Variants in MYO3B observed in about 807,000 individuals in gnomAD.
The protein encoded by MYO3B is myosin-IIIb.
A neutral mutation model predicts 174.6 loss-of-function variants in MYO3B; 156 were observed. That is an observed-to-expected ratio of 0.89 (90% CI 0.78 to 1.02). The LOEUF (loss-of-function observed/expected upper bound fraction) is 1.02. MYO3B is among the 50% of genes least tolerant of loss of function. The probability of loss-of-function intolerance (pLI) is 0.00; values close to 1 mark genes in which losing one functional copy is unlikely to be tolerated. For synonymous variants in MYO3B, 563 were observed against 569.1 expected (o/e 0.99, Z 0.15); for missense variants, 1,632 against 1,639.4 (o/e 1.00, Z 0.08).
At chr2:170,442,487 A>G (rs917590430) in intron 22 of MYO3B, among the ~76,000 whole-genome samples, 2 of 136,224 alleles carry the variant, frequency 1.5e-5, no homozygotes, top group African/African-American at 2.9e-5. Context: ...GTTATTTAGT[A>G]GGAGGTGTTC....
At chr2:170,261,039 T>C (rs1009091917) in intron 7 of MYO3B, among the ~76,000 whole-genome samples, 8 of 152,226 alleles carry the variant, frequency 5.3e-5, no homozygotes, top group African/African-American at 1.9e-4. Flanking sequence ...TGTTTTTGTT[T>C]TGAGACGGAG....
chr2:170,577,052 G>T (rs1252549402), intron 32 of MYO3B, among the ~76,000 whole-genome samples: 2 of 152,104 alleles, frequency 1.3e-5, no homozygotes, highest in African/African-American at 2.4e-5. Context: ...TGGTTCAGTT[G>T]CATAAGGAAG....
At position 170,369,226 on chromosome 2, in the gene MYO3B, CT is replaced by C. The variant is rs771082016; in HGVS notation, c.822del (p.Ile275LeufsTer77). On this transcript the variant is annotated frameshift_variant, in exon 9 of 35. Coordinates refer to ENST00000408978, the MANE Select transcript of MYO3B (RefSeq NM_138995.5). LOFTEE classifies it high-confidence loss of function. ...TTTGTTGGTTTTTGCAAACAGGTGTCTTATTAAGGATTTTGAAAGGCGACCT... is the reference window on the plus strand; with the variant it reads ...TTTGTTGGTTTTTGCAAACAGGTGTCTATTAAGGATTTTGAAAGGCGACCT... ...EEFNHFISQC[L>X]IKDFERRPSV... 12 of 1,612,404 alleles carry C rather than the reference CT, an allele frequency of 7.4e-6. No homozygotes were observed. The highest frequency in any genetic ancestry group is 7.6e-6 in the Non-Finnish European group (9 of 1,178,896).
chr2:170,409,809 C>T (rs563659716), intron 22 of MYO3B, among the ~76,000 whole-genome samples: 1 of 152,358 alleles, frequency 6.6e-6, no homozygotes, highest in South Asian at 2.1e-4. Flanking sequence ...TAATTTATCT[C>T]CTTATGACAA....
At chr2:170,505,151 G>A (rs1373867493) in intron 28 of MYO3B, among the ~76,000 whole-genome samples, 2 of 152,030 alleles carry the variant, frequency 1.3e-5, no homozygotes, top group African/African-American at 4.8e-5. Flanking sequence ...GTATAACACT[G>A]CACAGTCAAT....
chr2:170,186,940 T>C (rs1157846536), intron 1 of MYO3B, among the ~76,000 whole-genome samples: 2 of 152,078 alleles, frequency 1.3e-5, no homozygotes, highest in Non-Finnish European at 2.9e-5. Context: ...TAATGATCAT[T>C]TGGATTTCTG....
chr2:170,308,356 T>C (rs2093714803), intron 7 of MYO3B, among the ~76,000 whole-genome samples: 3 of 152,230 alleles, frequency 2.0e-5, no homozygotes, highest in Non-Finnish European at 4.4e-5. Flanking sequence ...ATTATTTTTG[T>C]AGCCATGTTG....
In MYO3B at chr2:170,532,332, A is replaced by G. The variant is rs190691823; in HGVS notation, c.3576-10574A>G. ...TAAAAGAACGTTACCTCTGAATGCA[A>G]TAGATGATCTAGGAATTTATTTTGC... On this transcript the variant is annotated intron_variant, in intron 30 of 34. Coordinates refer to ENST00000408978, the MANE Select transcript of MYO3B (RefSeq NM_138995.5). Among the ~76,000 whole-genome samples the G allele has an allele frequency of 3.2e-3, 482 of 152,374 alleles. 6 individuals are homozygous for G. Among genetic ancestry groups the G allele is most frequent in the Admixed American group, 0.029 (449 of 15,312 alleles).
intron 32 of MYO3B, among the ~76,000 whole-genome samples, chr2:170,627,319 A>T (rs1409233818): frequency 1.3e-5 from 2 of 152,066 alleles, no homozygotes; most frequent in African/African-American, 4.8e-5. Context: ...CATCATTGAT[A>T]CCCTTTCTTC....
chr2:170,307,675 A>C (rs1388857676), intron 7 of MYO3B, among the ~76,000 whole-genome samples: 2 of 152,196 alleles, frequency 1.3e-5, no homozygotes, highest in Non-Finnish European at 2.9e-5. Context: ...GGTGAAAGAA[A>C]ACAGCTTTAT....
chr2:170,255,727 G>A (rs1052175513), intron 7 of MYO3B, among the ~76,000 whole-genome samples: 11 of 152,104 alleles, frequency 7.2e-5, no homozygotes, highest in African/African-American at 1.9e-4. Context: ...AAAGAGCTCC[G>A]GCAATTCAAG....
At position 170,387,169 on chromosome 2, in the gene MYO3B, A is replaced by G. The variant is rs202058804; in HGVS notation, c.1438A>G (p.Asn480Asp). 131 of 1,614,160 alleles carry G rather than the reference A, an allele frequency of 8.1e-5. No individual in the cohort carries two copies. In the East Asian group the frequency reaches 2.7e-3, roughly 33 times the overall value. Residue 480 changes from asparagine to aspartate, a missense_variant, in exon 14 of 35, where the codon AAC becomes GAC. Transcript: ENST00000408978. ...CAACTCCCTGGTGGAAGCCTTTGGG[A>G]ACTCATGCACTGCCATCAATGACAA... ...QVNSLVEAFGNSCTAINDNSS... is the reference protein window; with the variant it reads ...QVNSLVEAFGDSCTAINDNSS...
chr2:170,550,725 T>C (rs1575151633), intron 32 of MYO3B, among the ~76,000 whole-genome samples: 1 of 152,356 alleles, frequency 6.6e-6, no homozygotes, highest in East Asian at 1.9e-4. Context: ...TGGTGACATG[T>C]TGAGTGTCCT....
chr2:170,596,322 C>T (rs1416462529), intron 32 of MYO3B, among the ~76,000 whole-genome samples: 3 of 152,312 alleles, frequency 2.0e-5, no homozygotes, highest in African/African-American at 7.2e-5. Flanking sequence ...CAAAAGCTGT[C>T]GCTTCAGGTA....
intron 31 of MYO3B, 47 bp downstream of exon 31, chr2:170,543,013 G>T: frequency 1.3e-6 from 2 of 1,493,652 alleles, no homozygotes; most frequent in Non-Finnish European, 1.9e-6. Context: ...CACTCCTTCA[G>T]ACTCATCCAA....
intron 7 of MYO3B, among the ~76,000 whole-genome samples, chr2:170,239,165 AG>A (rs1398913323): frequency 6.6e-6 from 1 of 152,220 alleles, no homozygotes; most frequent in Non-Finnish European, 1.5e-5. Context: ...TCTCAACATC[AG>A]TGGATTCAAC....
chr2:170,592,976 T>C (rs1693911614), intron 32 of MYO3B, among the ~76,000 whole-genome samples: 2 of 152,278 alleles, frequency 1.3e-5, no homozygotes, highest in African/African-American at 4.8e-5. Context: ...ATAGAGATTA[T>C]ATACCTAAAT....
At chr2:170,622,335 T>C (rs1472048007) in intron 32 of MYO3B, among the ~76,000 whole-genome samples, 1 of 152,186 alleles carries the variant, frequency 6.6e-6, no homozygotes, top group Non-Finnish European at 1.5e-5. Context: ...TAGTGCTTAT[T>C]TGAATTAGAA....
At chr2:170,564,706 G>A (rs1236433164) in intron 32 of MYO3B, among the ~76,000 whole-genome samples, 10 of 151,850 alleles carry the variant, frequency 6.6e-5, no homozygotes, top group East Asian at 1.9e-4. Context: ...CCAACAATTC[G>A]CTCAGAATCT....
Sources: allele counts gnomAD v4.1 joint callset (sites outside exome capture counted in the v4.1 genomes callset), GRCh38; gene constraint gnomAD v4.1.1; transcripts MANE v1.5; gene names NCBI Gene and HGNC (gene_info 2026-07-23, HGNC 2026-07-21).